ATG7: variants seen among roughly 807,000 people sequenced by gnomAD.
ATG7 encodes the protein ubiquitin-like modifier-activating enzyme ATG7.
Under a neutral mutation model 82.4 loss-of-function variants are expected in ATG7, and 70 were observed. That is an observed-to-expected ratio of 0.85 (90% CI 0.70 to 1.04). The LOEUF (loss-of-function observed/expected upper bound fraction) is 1.04, where lower values mean the gene tolerates loss of function less well. Among genes scored for constraint, ATG7 ranks in the 50% least tolerant of loss-of-function variants. ATG7 has a pLI of 0.00. For synonymous variants in ATG7, 287 were observed against 313.0 expected (o/e 0.92, Z 0.88); for missense variants, 792 against 864.3 (o/e 0.92, Z 1.05).
At chr3:11,498,725 T>G (rs2091067955) in intron 20 of ATG7, among the ~76,000 whole-genome samples, 1 of 152,188 alleles carries the variant, frequency 6.6e-6, no homozygotes. Context: ...CCCTTCTAAT[T>G]GCTCTTTCTC....
chr3:11,470,412 TG>T (rs1303816246), intron 20 of ATG7, among the ~76,000 whole-genome samples: 3 of 152,198 alleles, frequency 2.0e-5, no homozygotes, highest in African/African-American at 7.2e-5. Flanking sequence ...AGTAAGGATT[TG>T]AGTATGGAAA....
intron 14 of ATG7, among the ~76,000 whole-genome samples, chr3:11,355,054 A>G (rs1375451057): frequency 6.6e-6 from 1 of 152,234 alleles, no homozygotes; most frequent in African/African-American, 2.4e-5. Context: ...ACCAGAAATG[A>G]GGGAGCTGTG....
intron 20 of ATG7, among the ~76,000 whole-genome samples, chr3:11,524,646 G>A (rs1435946664): frequency 3.3e-5 from 5 of 152,144 alleles, no homozygotes; most frequent in African/African-American, 4.8e-5. Context: ...CATTAGTCGA[G>A]AATGGTAGTG....
Position 11,376,839 on chromosome 3 carries a change from C to T in ATG7, c.1876-3133C>T, listed in dbSNP as rs549570131. Among the ~76,000 whole-genome samples, 20 of 152,204 alleles carry T rather than the reference C, an allele frequency of 1.3e-4. No homozygotes were observed. The South Asian group carries it at 3.5e-3, about 27-fold the overall frequency. On this transcript the variant is annotated intron_variant, in intron 18 of 20. Transcript: ENST00000693202. ...CTGCAAGCTCCACCTCCCGGGTTCA[C>T]GCCATTCTCCTGCCTCAGCCTCCCG...
At chr3:11,410,197 C>T (rs2080762582) in intron 19 of ATG7, among the ~76,000 whole-genome samples, 1 of 152,156 alleles carries the variant, frequency 6.6e-6, no homozygotes. Flanking sequence ...TATCCATGAA[C>T]AAGAAATATC....
At chr3:11,517,628 G>C (rs17536147) in intron 20 of ATG7, among the ~76,000 whole-genome samples, 7,689 of 152,320 alleles carry the variant, frequency 0.05, 264 homozygotes, top group Middle Eastern at 0.11. Context: ...GGCTTCACTA[G>C]AGGTTTTCGA....
chr3:11,453,912 C>T (rs2085445120), intron 20 of ATG7, among the ~76,000 whole-genome samples: 1 of 152,146 alleles, frequency 6.6e-6, no homozygotes, highest in African/African-American at 2.4e-5. Context: ...TTTCTGGATA[C>T]CGTAGTTGTT....
At chr3:11,407,028 C>T (rs951960223) in intron 19 of ATG7, among the ~76,000 whole-genome samples, 6 of 152,192 alleles carry the variant, frequency 3.9e-5, no homozygotes, top group African/African-American at 9.7e-5. Flanking sequence ...TCAGCATTAA[C>T]GCAGTAGTCC....
intron 20 of ATG7, chr3:11,446,722 C>T (rs900308469): frequency 8.5e-6 from 2 of 235,432 alleles, no homozygotes; most frequent in Non-Finnish European, 8.5e-6. Context: ...GACTCAACCT[C>T]TAAATCCAGT....
At chr3:11,484,445 G>C (rs528067894) in intron 20 of ATG7, among the ~76,000 whole-genome samples, 1 of 151,942 alleles carries the variant, frequency 6.6e-6, no homozygotes, top group Non-Finnish European at 1.5e-5. Context: ...AACCCAAAAG[G>C]GTTAAGTCTT....
intron 5 of ATG7, among the ~76,000 whole-genome samples, chr3:11,302,037 C>T (rs986959976): frequency 3.3e-5 from 5 of 152,190 alleles, no homozygotes; most frequent in Non-Finnish European, 5.9e-5. Context: ...ACAAATTGCT[C>T]ATTTTCACTC....
chr3:11,440,323 C>CTTTTTTTTT (rs59365367), intron 20 of ATG7, among the ~76,000 whole-genome samples: 2 of 113,844 alleles, frequency 1.8e-5, no homozygotes, highest in Non-Finnish European at 3.4e-5. Flanking sequence ...GGCCTTTACT[C>CTTTTTTTTT]TTTTTTTTTT....
intron 20 of ATG7, among the ~76,000 whole-genome samples, chr3:11,502,930 G>A (rs1265298247): frequency 6.6e-6 from 1 of 152,070 alleles, no homozygotes; most frequent in African/African-American, 2.4e-5. Context: ...TTCTGTTAAG[G>A]GTAAAACAGG....
intron 17 of ATG7, among the ~76,000 whole-genome samples, chr3:11,363,838 T>C (rs1222808506): frequency 6.6e-6 from 1 of 152,238 alleles, no homozygotes; most frequent in Non-Finnish European, 1.5e-5. Flanking sequence ...CTTGTGTGAC[T>C]CAAAGCTTTC....
chr3:11,286,115 T>G (rs768874175), intron 3 of ATG7, among the ~76,000 whole-genome samples: 7 of 152,254 alleles, frequency 4.6e-5, no homozygotes, highest in Non-Finnish European at 8.8e-5. Flanking sequence ...AGATGCTGTG[T>G]TCTTTCCATG....
chr3:11,433,077 G>T (rs1348639522), intron 20 of ATG7, among the ~76,000 whole-genome samples: 1 of 151,858 alleles, frequency 6.6e-6, no homozygotes, highest in East Asian at 1.9e-4. Context: ...GGATTGCTTG[G>T]GTCTGGGAGT....
intron 20 of ATG7, among the ~76,000 whole-genome samples, chr3:11,470,886 C>T (rs1249399338): frequency 1.3e-5 from 2 of 151,900 alleles, no homozygotes; most frequent in Admixed American, 6.5e-5. Flanking sequence ...GTATTACTCT[C>T]GTTCAGTCTT....
At chr3:11,418,867 A>G (rs1214385692) in intron 19 of ATG7, among the ~76,000 whole-genome samples, 1 of 152,180 alleles carries the variant, frequency 6.6e-6, no homozygotes, top group Non-Finnish European at 1.5e-5. Flanking sequence ...CACTTCTTAC[A>G]TGGCGGCAGG....
intron 20 of ATG7, among the ~76,000 whole-genome samples, chr3:11,460,821 A>G (rs2086234513): frequency 6.6e-6 from 1 of 152,252 alleles, no homozygotes. Flanking sequence ...TATGCCTGGT[A>G]AGGGCAGACA....
Sources: gnomAD v4.1 joint callset for allele counts (sites outside exome capture counted in the v4.1 genomes callset) on GRCh38, gnomAD v4.1.1 for gene constraint, MANE v1.5 for transcripts, NCBI Gene and HGNC (gene_info 2026-07-23, HGNC 2026-07-21) for gene names.